The following ZBTB16 variants were observed in gnomAD, a reference collection of about 807,000 sequenced individuals.
The protein encoded by ZBTB16 is zinc finger and BTB domain containing 16, also known as zinc finger and BTB domain-containing protein 16.
Under a neutral mutation model 56.8 loss-of-function variants are expected in ZBTB16, and 8 were observed. That is an observed-to-expected ratio of 0.14 (90% CI 0.08 to 0.25). The LOEUF is 0.25. Ranked by LOEUF, ZBTB16 falls within the 10% of genes least tolerant of loss-of-function variation. The probability of loss-of-function intolerance (pLI) is 1.00; values close to 1 mark genes in which losing one functional copy is unlikely to be tolerated. For synonymous variants in ZBTB16, 363 were observed against 368.5 expected (o/e 0.98, Z 0.17); for missense variants, 625 against 903.0 (o/e 0.69, Z 3.95).
Position 114,158,195 on chromosome 11 carries a change from G to A in ZBTB16, c.1366+1761G>A, listed in dbSNP as rs575335623. Among the ~76,000 whole-genome samples the A allele has an allele frequency of 5.3e-5, 8 of 152,136 alleles. No individual in the cohort carries two copies. In the East Asian group the frequency reaches 5.8e-4, roughly 11 times the overall value. On this transcript the variant is annotated intron_variant, in intron 3 of 6. Transcript: ENST00000335953. Reference sequence around the variant, plus strand: ...ACTGCCTTACTGCAGAGTGTGGTGCGTCCTGCCCTAGACCCCTGTGTGGTG... The same window carrying A: ...ACTGCCTTACTGCAGAGTGTGGTGCATCCTGCCCTAGACCCCTGTGTGGTG...
intron 2 of ZBTB16, among the ~76,000 whole-genome samples, chr11:114,110,145 C>A (rs370426337): frequency 6.6e-6 from 1 of 151,998 alleles, no homozygotes; most frequent in African/African-American, 2.4e-5. Context: ...CTTGGTGGAG[C>A]CCCTCATGTC....
chr11:114,065,885 A>C (rs2137659269), intron 2 of ZBTB16, among the ~76,000 whole-genome samples: 1 of 152,288 alleles, frequency 6.6e-6, no homozygotes, highest in South Asian at 2.1e-4. Context: ...ATGTCTATGG[A>C]ACAGAGCGTT....
intron 2 of ZBTB16, among the ~76,000 whole-genome samples, chr11:114,093,362 T>C (rs1940263247): frequency 6.6e-6 from 1 of 151,982 alleles, no homozygotes; most frequent in Admixed American, 6.6e-5. Flanking sequence ...GCTGTTTCCC[T>C]GCTACAGAAA....
chr11:114,148,687 G>A (rs1235488049), intron 2 of ZBTB16, among the ~76,000 whole-genome samples: 1 of 151,438 alleles, frequency 6.6e-6, no homozygotes, highest in Non-Finnish European at 1.5e-5. Context: ...TAGAGACGGG[G>A]TTTCACCATG....
Position 114,242,351 on chromosome 11 carries a change from G to A in ZBTB16, c.1624+14G>A. 6.2e-7 allele frequency: 1 copy of A among 1,612,434 alleles called. No homozygotes were observed. On this transcript the variant is annotated intron_variant, in intron 5 of 6. Transcript: ENST00000335953. ...GCTCACATACAGGTAGGTCAGTCCA[G>A]CTGATGGGTGGATCTGGGTCTCTGG...
intron 3 of ZBTB16, among the ~76,000 whole-genome samples, chr11:114,180,526 C>G (rs1943223727): frequency 6.6e-6 from 1 of 152,220 alleles, no homozygotes; most frequent in Non-Finnish European, 1.5e-5. Context: ...AAGAAGCAGA[C>G]AGCCCCACTT....
At chr11:114,066,258 A>G (rs1231730611) in intron 2 of ZBTB16, among the ~76,000 whole-genome samples, 2 of 152,168 alleles carry the variant, frequency 1.3e-5, no homozygotes, top group African/African-American at 4.8e-5. Flanking sequence ...TGCCTCCTCG[A>G]CAGCTCAGAG....
At chr11:114,205,057 T>C (rs1205448805) in intron 4 of ZBTB16, among the ~76,000 whole-genome samples, 2 of 151,874 alleles carry the variant, frequency 1.3e-5, no homozygotes, top group Non-Finnish European at 2.9e-5. Context: ...CAGGCCCAAC[T>C]AGGGAAGATT....
intron 3 of ZBTB16, among the ~76,000 whole-genome samples, chr11:114,178,975 ATTCCCTGGTGTCT>A (rs1373297723): frequency 6.6e-6 from 1 of 152,156 alleles, no homozygotes; most frequent in Non-Finnish European, 1.5e-5. Flanking sequence ...GCCCAGGAGA[ATTCCCTGGTGTCT>A]TTCTCCATCC....
chr11:114,209,791 A>T, intron 4 of ZBTB16: 3 of 985,452 alleles, frequency 3.0e-6, no homozygotes, highest in Non-Finnish European at 3.6e-6. Context: ...GATAAGCTTT[A>T]GGAAAATGGG....
chr11:114,173,349 G>A (rs953154812), intron 3 of ZBTB16, among the ~76,000 whole-genome samples: 2 of 152,184 alleles, frequency 1.3e-5, no homozygotes, highest in Non-Finnish European at 2.9e-5. Flanking sequence ...GGGCCCAGGG[G>A]AGGGGAAGGG....
intron 2 of ZBTB16, among the ~76,000 whole-genome samples, chr11:114,090,014 A>G (rs938495990): frequency 6.6e-6 from 1 of 152,190 alleles, no homozygotes; most frequent in African/African-American, 2.4e-5. Context: ...GATTGTTCCT[A>G]CAGTTAAGAT....
In ZBTB16 at chr11:114,112,431, A is replaced by G. The variant is rs145855474; in HGVS notation, c.1269-43906A>G. Among the ~76,000 whole-genome samples, 1,452 of 152,300 alleles carry G rather than the reference A, an allele frequency of 9.5e-3. 23 individuals carry two copies. Among genetic ancestry groups the G allele is most frequent in the African/African-American group, 0.033 (1,373 of 41,564 alleles). On this transcript the variant is annotated intron_variant, in intron 2 of 6. Transcript: ENST00000335953. ...GAGATGGAGAAGGTAGAGGGAGAGC[A>G]AGGGAGGGATAGAGAGGGCACGAAG... is the stretch of plus-strand genomic sequence containing the variant.
chr11:114,198,570 T>C (rs1179921053), intron 4 of ZBTB16, among the ~76,000 whole-genome samples: 1 of 152,204 alleles, frequency 6.6e-6, no homozygotes, highest in African/African-American at 2.4e-5. Context: ...ATACTCTTTT[T>C]TAAATTAATA....
rs563266795 is a variant in ZBTB16, at chr11:114,088,134, A to T, written c.1268+23566A>T. On this transcript the variant is annotated intron_variant, in intron 2 of 6. Transcript: ENST00000335953. ...CCAGAAGAGGTATAGATAAAGCCAGATACTTCTTTTTTTTTTTTTTTTTTT... is the reference window on the plus strand; with the variant it reads ...CCAGAAGAGGTATAGATAAAGCCAGTTACTTCTTTTTTTTTTTTTTTTTTT... Among the ~76,000 whole-genome samples the T allele has an allele frequency of 6.0e-5, 8 of 133,662 alleles. No homozygotes were observed. In the East Asian group the frequency reaches 1.7e-3, roughly 29 times the overall value. The allele number at this position is 133,662 out of a possible 152,430, so 87.7% of individuals were successfully genotyped here.
chr11:114,207,590 A>AAC (rs66489516), intron 4 of ZBTB16, among the ~76,000 whole-genome samples: 7,314 of 143,598 alleles, frequency 0.051, 218 homozygotes, highest in African/African-American at 0.091. Flanking sequence ...ACACACACAC[A>AAC]ACACACACAC....
intron 2 of ZBTB16, among the ~76,000 whole-genome samples, chr11:114,088,950 A>G (rs1301275360): frequency 6.6e-6 from 1 of 152,184 alleles, no homozygotes; most frequent in African/African-American, 2.4e-5. Flanking sequence ...GTGCAGGCAT[A>G]GGTATGAACA....
intron 4 of ZBTB16, chr11:114,211,041 C>G (rs921576112): frequency 1.2e-5 from 2 of 166,956 alleles, no homozygotes; most frequent in Non-Finnish European, 2.6e-5. Context: ...CCTCAGCCTC[C>G]CGAGTAGCTG....
In ZBTB16 at chr11:114,256,382, C is replaced by G. The variant is rs943636089; in HGVS notation, c.*5827C>G. Among the ~76,000 whole-genome samples the G allele has an allele frequency of 6.6e-6, 1 of 152,214 alleles. No homozygotes were observed. Among genetic ancestry groups the G allele is most frequent in the South Asian group, 2.1e-4 (1 of 4,816 alleles). On this transcript the variant is annotated 3_prime_UTR_variant, in exon 7 of 7. Coordinates refer to ENST00000335953, the MANE Select transcript of ZBTB16 (RefSeq NM_006006.6). Reference sequence around the variant, plus strand: ...GGCCGCCCTGGGGCTACCATGCTAGCGGGCCGCTGAGTCGGAATCCGTGGC... The same window carrying G: ...GGCCGCCCTGGGGCTACCATGCTAGGGGGCCGCTGAGTCGGAATCCGTGGC...
Sources: allele counts gnomAD v4.1 joint callset (sites outside exome capture counted in the v4.1 genomes callset), GRCh38; gene constraint gnomAD v4.1.1; transcripts MANE v1.5; gene names NCBI Gene and HGNC (gene_info 2026-07-23, HGNC 2026-07-21).